The following CLVS1 variants were observed in gnomAD, a reference collection of about 807,000 sequenced individuals.
The protein encoded by CLVS1 is clavesin 1.
Under a neutral mutation model 33.1 loss-of-function variants are expected in CLVS1, and 10 were observed. The ratio of observed to expected loss-of-function variants is 0.30; its 90% CI spans 0.19 to 0.51. The LOEUF (loss-of-function observed/expected upper bound fraction) is 0.51. Among genes scored for constraint, CLVS1 ranks in the 20% least tolerant of loss-of-function variants. The pLI, the probability that CLVS1 is intolerant of heterozygous loss-of-function variation, is 0.97. For synonymous variants in CLVS1, 163 were observed against 166.1 expected (o/e 0.98, Z 0.14); for missense variants, 343 against 433.4 (o/e 0.79, Z 1.85).
Position 61,253,028 on chromosome 8 carries a change from C to A in CLVS1, c.-151-46649C>A, listed in dbSNP as rs184072984. Among the ~76,000 whole-genome samples, 771 of 152,294 alleles carry A rather than the reference C, an allele frequency of 5.1e-3. 11 individuals are homozygous for A. The highest frequency in any genetic ancestry group is 0.018 in the African/African-American group (735 of 41,556). The stretch of plus-strand genomic sequence containing the variant: ...TTCTTCCTAGCCTCAATGGTCTTTA[C>A]AATTTGGCATGTTTTTATAGTGGCT... On this transcript the variant is annotated intron_variant, in intron 2 of 2. Transcript: ENST00000522621.
the CLVS1 span, among the ~76,000 whole-genome samples, chr8:60,991,344 T>C: frequency 6.6e-6 from 1 of 152,258 alleles, no homozygotes; most frequent in East Asian, 1.9e-4. Flanking sequence ...AACTGAAAAA[T>C]TGTTATCTAT....
At chr8:61,408,203 T>C (rs1815067150) in intron 3 of CLVS1, among the ~76,000 whole-genome samples, 1 of 151,992 alleles carries the variant, frequency 6.6e-6, no homozygotes, top group Non-Finnish European at 1.5e-5. Context: ...TTTCAGAGAT[T>C]AGTGATAGCA....
At chr8:61,357,073 G>A (rs6987161) in intron 2 of CLVS1, among the ~76,000 whole-genome samples, 60,481 of 151,856 alleles carry the variant, frequency 0.4, 13,204 homozygotes, top group East Asian at 0.64. Context: ...ATTTGTTTGT[G>A]TCCTCTTTTA....
rs757717709 is a variant in CLVS1, at chr8:61,299,800, G to A, written c.-28G>A. On this transcript the variant is annotated 5_prime_UTR_variant, in exon 2 of 6. Coordinates refer to ENST00000325897, the MANE Select transcript of CLVS1 (RefSeq NM_173519.3). ...CTGGTAGTAAAACACTGTTGAATGGGCCACAGTTTCAGCAGACCATCAGGT... is the reference window on the plus strand; with the variant it reads ...CTGGTAGTAAAACACTGTTGAATGGACCACAGTTTCAGCAGACCATCAGGT... 2 of 1,540,920 alleles carry A rather than the reference G, an allele frequency of 1.3e-6. No homozygotes were observed. The highest frequency in any genetic ancestry group is 2.4e-5 in the South Asian group (2 of 84,128).
intron 2 of CLVS1, among the ~76,000 whole-genome samples, chr8:61,261,480 G>A (rs1809202148): frequency 6.6e-6 from 1 of 152,116 alleles, no homozygotes; most frequent in South Asian, 2.1e-4. Context: ...ACAAAGTCCT[G>A]GAGACTGAGT....
At chr8:61,454,318 C>A in intron 4 of CLVS1, 67 bp downstream of exon 4, 2 of 1,067,752 alleles carry the variant, frequency 1.9e-6, no homozygotes, top group Non-Finnish European at 2.9e-6. Context: ...TCTCTCTCCC[C>A]TCCTCTCTCC....
chr8:61,314,431 G>A (rs1005067547), intron 2 of CLVS1, among the ~76,000 whole-genome samples: 1 of 152,050 alleles, frequency 6.6e-6, no homozygotes, highest in Non-Finnish European at 1.5e-5. Flanking sequence ...AAGTCGTTGA[G>A]GTCTACATTT....
chr8:61,029,453 G>T, the CLVS1 span, among the ~76,000 whole-genome samples: 2 of 152,138 alleles, frequency 1.3e-5, no homozygotes, highest in Non-Finnish European at 2.9e-5. Context: ...CCTTCTCATC[G>T]AGGGTTTGAG....
intron 2 of CLVS1, chr8:61,264,948 C>G (rs1324144811): frequency 2.0e-5 from 3 of 152,194 alleles, no homozygotes; most frequent in Non-Finnish European, 4.4e-5. Context: ...TTGTTTTAAG[C>G]TACTATTTCT....
At chr8:61,031,798 A>G in the CLVS1 span, among the ~76,000 whole-genome samples, 2 of 152,212 alleles carry the variant, frequency 1.3e-5, no homozygotes, top group Non-Finnish European at 2.9e-5. Flanking sequence ...GTGGGGTTTC[A>G]GGAGCAGCAA....
chr8:61,058,619 T>C (rs2082313), intron 1 of CLVS1, among the ~76,000 whole-genome samples: 6,576 of 152,284 alleles, frequency 0.043, 462 homozygotes, highest in African/African-American at 0.15. Context: ...CATACTACCA[T>C]GCAATCATCA....
the CLVS1 span, among the ~76,000 whole-genome samples, chr8:60,999,248 C>T: frequency 6.6e-6 from 1 of 152,136 alleles, no homozygotes; most frequent in Non-Finnish European, 1.5e-5. Flanking sequence ...AGTTACTGTG[C>T]AAAGGAACAT....
intron 1 of CLVS1, among the ~76,000 whole-genome samples, chr8:61,083,167 A>G (rs558330663): frequency 9.8e-5 from 15 of 152,310 alleles, no homozygotes; most frequent in African/African-American, 3.4e-4. Flanking sequence ...AGAAGGAAAA[A>G]ATGAAGGGAA....
In CLVS1 at chr8:61,059,475, CAT is replaced by C. The variant is rs56322834; in HGVS notation, c.-243+2269_-243+2270del. On this transcript the variant is annotated intron_variant, in intron 1 of 2. Coordinates refer to the CLVS1 transcript ENST00000522621. ...ACACACACATATACATACATACATA[CAT>C]ATATATATATATATATATATATACA... Among the ~76,000 whole-genome samples the C allele has an allele frequency of 3.1e-3, 154 of 50,178 alleles. 7 individuals are homozygous for C. The highest frequency in any genetic ancestry group is 0.017 in the East Asian group (14 of 826). The allele number at this position is 50,178 out of a possible 152,430, so 32.9% of individuals were successfully genotyped here.
At chr8:60,974,255 G>A in the CLVS1 span, among the ~76,000 whole-genome samples, 393 of 152,156 alleles carry the variant, frequency 2.6e-3, 1 homozygote, top group Middle Eastern at 0.01. Flanking sequence ...CTGCCTCCAC[G>A]AGTCCCTCCC....
upstream of CLVS1, among the ~76,000 whole-genome samples, chr8:61,054,502 A>G (rs1189944830): frequency 1.3e-5 from 2 of 152,202 alleles, no homozygotes; most frequent in Non-Finnish European, 2.9e-5. Flanking sequence ...AGCGGTTGCT[A>G]AAACAAACTG....
the CLVS1 span, among the ~76,000 whole-genome samples, chr8:60,990,574 A>C: frequency 6.6e-6 from 1 of 152,220 alleles, no homozygotes; most frequent in African/African-American, 2.4e-5. Context: ...ACTCTGGTGA[A>C]TGTTGGAAAA....
Position 61,500,781 on chromosome 8 carries a change from CA to C in CLVS1, c.*1244del, listed in dbSNP as rs1804730357. ...TTACCAGTTGGTGCTCAAAGTCAAA[CA>C]AAAATATTTTAGTTAATAATGGGCA... On this transcript the variant is annotated 3_prime_UTR_variant, in exon 6 of 6. Coordinates refer to ENST00000325897, the MANE Select transcript of CLVS1 (RefSeq NM_173519.3). 1 of 152,020 alleles carries C rather than the reference CA, an allele frequency of 6.6e-6. No homozygotes were observed. The highest frequency in any genetic ancestry group is 1.5e-5 in the Non-Finnish European group (1 of 68,008). 9.4% of individuals were successfully genotyped at this position (152,020 alleles called of 1,614,324 possible).
chr8:61,484,331 C>T (rs1306792657), intron 5 of CLVS1, among the ~76,000 whole-genome samples: 1 of 152,158 alleles, frequency 6.6e-6, no homozygotes, highest in Non-Finnish European at 1.5e-5. Context: ...CATGAGTGAA[C>T]TCCCATTCAC....
Sources: allele counts gnomAD v4.1 joint callset (sites outside exome capture counted in the v4.1 genomes callset), GRCh38; gene constraint gnomAD v4.1.1; transcripts MANE v1.5; gene names NCBI Gene and HGNC (gene_info 2026-07-23, HGNC 2026-07-21).